The following STPG2 variants were observed in gnomAD, a reference collection of about 807,000 sequenced individuals.
The protein encoded by STPG2 is sperm-tail PG-rich repeat-containing protein 2.
In STPG2, 56 loss-of-function variants were observed where a neutral mutation model predicts 54.2. That is an observed-to-expected ratio of 1.03 (90% confidence interval 0.83 to 1.29). The LOEUF (loss-of-function observed/expected upper bound fraction) is 1.29, where lower values mean the gene tolerates loss of function less well. Among genes scored for constraint, STPG2 ranks in the 50% most tolerant of loss-of-function variants. The pLI, the probability that STPG2 is intolerant of heterozygous loss-of-function variation, is 0.00. For synonymous variants in STPG2, 200 were observed against 181.8 expected, an observed-to-expected ratio of 1.10 and a Z score of -0.81; for missense variants, 596 against 544.9, an observed-to-expected ratio of 1.09 and a Z score of -0.93.
chr4:97,627,686 C>T (rs999028097), intron 10 of STPG2, among the ~76,000 whole-genome samples: 4 of 152,140 alleles, frequency 2.6e-5, no homozygotes, highest in African/African-American at 9.6e-5. Context: ...ATATAATTAT[C>T]TACAGATACA....
Position 97,870,386 on chromosome 4 carries a change from TAATAA to T in STPG2, c.1045-29459_1045-29455del, listed in dbSNP as rs1338174442. Among the ~76,000 whole-genome samples the T allele has an allele frequency of 2.0e-5, 3 of 151,282 alleles. No homozygotes were observed. In the East Asian group the frequency reaches 5.8e-4, roughly 29 times the overall value. ...AATAATTTTCATATAGGTAACAAAATAATAAAATACATACAATTATATGAACAAAA... is the reference window on the plus strand; with the variant it reads ...AATAATTTTCATATAGGTAACAAAATAATACATACAATTATATGAACAAAA... On this transcript the variant is annotated intron_variant, in intron 8 of 10. Coordinates refer to ENST00000295268, the MANE Select transcript of STPG2 (RefSeq NM_174952.3).
chr4:97,542,364 A>G (rs1731733777), intron 4 of STPG2, among the ~76,000 whole-genome samples: 1 of 152,226 alleles, frequency 6.6e-6, no homozygotes, highest in Non-Finnish European at 1.5e-5. Context: ...AGACACATGA[A>G]AAAATGCTCA....
chr4:97,599,823 CAAA>C (rs34252589), intron 10 of STPG2, among the ~76,000 whole-genome samples: 5 of 112,794 alleles, frequency 4.4e-5, no homozygotes, highest in Non-Finnish European at 3.5e-5. Flanking sequence ...GATTCTGTCT[CAAA>C]AAAAAAAAAA....
chr4:97,638,270 C>A (rs889558854), intron 10 of STPG2, among the ~76,000 whole-genome samples: 1 of 152,102 alleles, frequency 6.6e-6, no homozygotes, highest in African/African-American at 2.4e-5. Flanking sequence ...ATAAATGGTA[C>A]TGGGAAAACT....
At chr4:97,773,449 AGCTAAGTGCAT>A (rs1260804178) in intron 9 of STPG2, among the ~76,000 whole-genome samples, 1 of 152,102 alleles carries the variant, frequency 6.6e-6, no homozygotes, top group Non-Finnish European at 1.5e-5. Context: ...CCTCTTAAGT[AGCTAAGTGCAT>A]GCCCCCATGC....
rs780942724 is a variant in STPG2, at chr4:97,712,727, T to C, written c.1292A>G (p.Glu431Gly). Residue 431 changes from glutamate to glycine, a missense_variant, in exon 10 of 11, where the codon GAG (glutamate) becomes GGG (glycine). Coordinates refer to ENST00000295268, the MANE Select transcript of STPG2 (RefSeq NM_174952.3). ...ATATGTTGCTGGGCCTGGAGTAATC[T>C]CTTTGGACTCTTCAAAGCGCTTTGA... Reference protein sequence around the residue: ...KASKRFEESKEITPGPATYEI... With the variant: ...KASKRFEESKGITPGPATYEI... The C allele has an allele frequency of 3.9e-5, 63 of 1,605,110 alleles. No homozygotes were observed. In the Admixed American group the frequency reaches 1.1e-3, roughly 27 times the overall value.
chr4:97,759,961 C>T (rs165241), intron 9 of STPG2, among the ~76,000 whole-genome samples: 87,373 of 151,872 alleles, frequency 0.58, 25,659 homozygotes, highest in East Asian at 0.74. Flanking sequence ...ATGAATCAGA[C>T]TGTGTCACTT....
At chr4:97,861,574 C>A (rs1729543334) in intron 8 of STPG2, among the ~76,000 whole-genome samples, 1 of 152,064 alleles carries the variant, frequency 6.6e-6, no homozygotes, top group Non-Finnish European at 1.5e-5. Context: ...CAGCACTAGT[C>A]ACAATGGCCA....
At chr4:97,577,136 T>C (rs1732744364) in intron 10 of STPG2, among the ~76,000 whole-genome samples, 1 of 152,182 alleles carries the variant, frequency 6.6e-6, no homozygotes, top group Admixed American at 6.6e-5. Context: ...TCATACACTG[T>C]TGATGGTAAT....
chr4:98,142,969 C>T (rs1740340236), intron 1 of STPG2, 73 bp downstream of exon 1: 2 of 1,326,324 alleles, frequency 1.5e-6, no homozygotes, highest in Non-Finnish European at 2.1e-6. Context: ...GTTTAACTCA[C>T]AAGCACGCAG....
intron 5 of STPG2, among the ~76,000 whole-genome samples, chr4:98,029,270 A>T (rs1736521693): frequency 6.6e-6 from 1 of 152,154 alleles, no homozygotes; most frequent in Non-Finnish European, 1.5e-5. Flanking sequence ...AATTATTGAG[A>T]CCAGAGTAGT....
At chr4:97,507,872 T>G (rs967508667) in intron 4 of STPG2, among the ~76,000 whole-genome samples, 2 of 152,074 alleles carry the variant, frequency 1.3e-5, no homozygotes, top group Non-Finnish European at 2.9e-5. Flanking sequence ...GAAGCTCCAC[T>G]GGGCTTTAAC....
At chr4:97,977,655 A>G (rs1734540727) in intron 6 of STPG2, among the ~76,000 whole-genome samples, 1 of 152,200 alleles carries the variant, frequency 6.6e-6, no homozygotes, top group Non-Finnish European at 1.5e-5. Context: ...GAAGTGCTAG[A>G]ATATCACTTC....
chr4:97,581,651 T>C (rs1293662114), intron 10 of STPG2, among the ~76,000 whole-genome samples: 2 of 152,108 alleles, frequency 1.3e-5, no homozygotes, highest in Non-Finnish European at 2.9e-5. Context: ...CACCTTGCCG[T>C]TCAGCCAGGA....
At position 97,847,522 on chromosome 4, in the gene STPG2, G is replaced by C. The variant is rs180988312; in HGVS notation, c.1045-6590C>G. Among the ~76,000 whole-genome samples the C allele has an allele frequency of 6.3e-3, 958 of 152,206 alleles. 5 individuals carry two copies. Among genetic ancestry groups the C allele is most frequent in the Non-Finnish European group, 0.01 (681 of 68,002 alleles). On this transcript the variant is annotated intron_variant, in intron 8 of 10. Coordinates refer to ENST00000295268, the MANE Select transcript of STPG2 (RefSeq NM_174952.3). ...CTGTTTTATGAAAGGAATTAGAATTGACTGGAAAACATGATACTTCAAAGC... is the reference window on the plus strand; with the variant it reads ...CTGTTTTATGAAAGGAATTAGAATTCACTGGAAAACATGATACTTCAAAGC...
intron 8 of STPG2, among the ~76,000 whole-genome samples, chr4:97,912,540 G>C (rs1291135488): frequency 1.3e-5 from 2 of 152,254 alleles, no homozygotes; most frequent in South Asian, 2.1e-4. Flanking sequence ...ATCAATACCA[G>C]AATAGACCAA....
chr4:97,935,496 T>A (rs1732717742), intron 8 of STPG2, among the ~76,000 whole-genome samples: 1 of 152,174 alleles, frequency 6.6e-6, no homozygotes, highest in Non-Finnish European at 1.5e-5. Flanking sequence ...GAGATCTTTC[T>A]AGCTTTCTGA....
intron 3 of STPG2, among the ~76,000 whole-genome samples, chr4:98,116,091 T>C (rs1739515975): frequency 6.6e-6 from 1 of 151,914 alleles, no homozygotes. Flanking sequence ...ATAAATGTCT[T>C]CTTCTTCTTC....
chr4:97,775,537 G>A (rs774595136), intron 9 of STPG2, among the ~76,000 whole-genome samples: 4 of 152,162 alleles, frequency 2.6e-5, no homozygotes, highest in Non-Finnish European at 4.4e-5. Context: ...GCAAACAAGA[G>A]AGATACAATC....
Sources: allele counts gnomAD v4.1 joint callset (sites outside exome capture counted in the v4.1 genomes callset), GRCh38; gene constraint gnomAD v4.1.1; transcripts MANE v1.5; gene names NCBI Gene and HGNC (gene_info 2026-07-23, HGNC 2026-07-21).